CCDC85C: variants seen among roughly 807,000 people sequenced by gnomAD.
The protein encoded by CCDC85C is coiled-coil domain containing 85C.
CCDC85C carries 18 observed loss-of-function variants against 38.3 expected under a neutral mutation model. The observed-to-expected ratio is 0.47, with a 90% CI of 0.33 to 0.70. CCDC85C has a LOEUF of 0.70. Ranked by LOEUF, CCDC85C falls within the 30% of genes least tolerant of loss-of-function variation. CCDC85C has a pLI of 0.03. For synonymous variants in CCDC85C, 264 were observed against 293.8 expected (o/e 0.90, Z 1.04); for missense variants, 566 against 621.2 (o/e 0.91, Z 0.94).
At chr14:99,527,352 G>A (rs994889145) in intron 2 of CCDC85C, among the ~76,000 whole-genome samples, 1 of 152,190 alleles carries the variant, frequency 6.6e-6, no homozygotes, top group African/African-American at 2.4e-5. Context: ...AACTCGCAGT[G>A]TCTACAGACA....
intron 2 of CCDC85C, among the ~76,000 whole-genome samples, chr14:99,529,809 C>T (rs961520779): frequency 6.6e-6 from 1 of 152,222 alleles, no homozygotes; most frequent in Non-Finnish European, 1.5e-5. Context: ...TGGCATCAGG[C>T]GGAGGCTGGC....
At chr14:99,556,993 C>A (rs1216732591) in intron 1 of CCDC85C, among the ~76,000 whole-genome samples, 2 of 151,952 alleles carry the variant, frequency 1.3e-5, no homozygotes, top group Non-Finnish European at 2.9e-5. Context: ...ATATCAGCAC[C>A]TTTTGTACAT....
intron 1 of CCDC85C, among the ~76,000 whole-genome samples, chr14:99,579,037 G>T (rs1036650341): frequency 2.0e-5 from 3 of 152,206 alleles, no homozygotes; most frequent in Non-Finnish European, 4.4e-5. Context: ...TGCTCATGAA[G>T]CCCCTACTGC....
rs1370625652 is a variant in CCDC85C, at chr14:99,510,839, A to G, written c.*4407T>C. 6.0e-6 allele frequency: 8 copies of G among 1,341,932 alleles called. No individual in the cohort carries two copies. The highest frequency in any genetic ancestry group is 1.5e-5 in the African/African-American group (1 of 66,422). The allele number at this position is 1,341,932 out of a possible 1,614,324, so 83.1% of individuals were successfully genotyped here. On this transcript the variant is annotated 3_prime_UTR_variant, in exon 6 of 6. Coordinates refer to ENST00000380243, the MANE Select transcript of CCDC85C (RefSeq NM_001144995.2). ...ACAAGATTTTCTAATCGACTTGCAGAGTAGTTGAAGTGGGTAAGCAGCAGG... is the reference window on the plus strand; with the variant it reads ...ACAAGATTTTCTAATCGACTTGCAGGGTAGTTGAAGTGGGTAAGCAGCAGG...
chr14:99,593,510 G>A (rs959166603), intron 1 of CCDC85C, among the ~76,000 whole-genome samples: 1 of 152,258 alleles, frequency 6.6e-6, no homozygotes, highest in Non-Finnish European at 1.5e-5. Flanking sequence ...CTGGGGCAGG[G>A]AGGTAGGGGT....
chr14:99,586,004 G>A (rs2055021782), intron 1 of CCDC85C, among the ~76,000 whole-genome samples: 1 of 152,244 alleles, frequency 6.6e-6, no homozygotes, highest in Non-Finnish European at 1.5e-5. Context: ...CCCAGACCAA[G>A]CAGTAACAAT....
Position 99,502,865 on chromosome 14 carries a change from G to A in CCDC85C, c.*12381C>T, listed in dbSNP as rs1380915763. On this transcript the variant is annotated 3_prime_UTR_variant, in exon 6 of 6. Coordinates refer to ENST00000380243, the MANE Select transcript of CCDC85C (RefSeq NM_001144995.2). ...GCAGTCACAGCCGTCTCAAAGCTCC[G>A]AACCATCCCAGCCCCAGCAGAAGGA... 7 of 1,612,720 alleles carry A rather than the reference G, an allele frequency of 4.3e-6. No homozygotes were observed. The highest frequency in any genetic ancestry group is 1.1e-5 in the South Asian group (1 of 90,956).
chr14:99,545,496 C>A lies in CCDC85C; in HGVS notation c.794-9408G>T, dbSNP rs561266669. ...TGTGTAATTGCTTCAAATATGGGGA[C>A]AAGGGGAAAAGAATTCCTTCCCTGT... On this transcript the variant is annotated intron_variant, in intron 1 of 5. Coordinates refer to ENST00000380243, the MANE Select transcript of CCDC85C (RefSeq NM_001144995.2). This position sits in a 1 kb window ranked among gnomAD's most constrained non-coding sequence, Gnocchi z 4.7. Among the ~76,000 whole-genome samples, 1 of 152,228 alleles carries A rather than the reference C, an allele frequency of 6.6e-6. No individual in the cohort carries two copies. The highest frequency in any genetic ancestry group is 2.1e-4 in the South Asian group (1 of 4,826).
chr14:99,519,017 A>G (rs1458118876), intron 3 of CCDC85C, among the ~76,000 whole-genome samples: 1 of 147,380 alleles, frequency 6.8e-6, no homozygotes, highest in Non-Finnish European at 1.5e-5. Context: ...CTGACTAGGT[A>G]CCCACTTAGG....
chr14:99,519,306 G>A (rs1268407849), intron 3 of CCDC85C, among the ~76,000 whole-genome samples: 1 of 141,102 alleles, frequency 7.1e-6, no homozygotes, highest in African/African-American at 2.7e-5. Flanking sequence ...TGGTAGAGAT[G>A]GGGTTTCATC....
In CCDC85C at chr14:99,572,437, A is replaced by G. The variant is rs1370806535; in HGVS notation, c.793+30730T>C. Reference sequence around the variant, plus strand: ...CACCCCCACCCCAAGGCCCTGCTCCACAGGGAAGCCAGAGGGCCTCACAAG... The same window carrying G: ...CACCCCCACCCCAAGGCCCTGCTCCGCAGGGAAGCCAGAGGGCCTCACAAG... On this transcript the variant is annotated intron_variant, in intron 1 of 5. Coordinates refer to ENST00000380243, the MANE Select transcript of CCDC85C (RefSeq NM_001144995.2). This position sits in a 1 kb window ranked among gnomAD's most constrained non-coding sequence, Gnocchi z 4.4. Among the ~76,000 whole-genome samples the G allele has an allele frequency of 7.9e-6, 1 of 125,962 alleles. No individual in the cohort carries two copies. Among genetic ancestry groups the G allele is most frequent in the Non-Finnish European group, 1.6e-5 (1 of 61,850 alleles). The allele number at this position is 125,962 out of a possible 152,430, so 82.6% of individuals were successfully genotyped here.
intron 1 of CCDC85C, among the ~76,000 whole-genome samples, chr14:99,568,822 C>T (rs1249792356): frequency 1.3e-5 from 2 of 152,266 alleles, no homozygotes; most frequent in African/African-American, 2.4e-5. Context: ...TTCAGTCAGC[C>T]TCTCCACCAG....
At chr14:99,528,283 C>T (rs79790940) in intron 2 of CCDC85C, among the ~76,000 whole-genome samples, 113 of 152,328 alleles carry the variant, frequency 7.4e-4, no homozygotes, top group African/African-American at 2.6e-3. Flanking sequence ...CAGTGTCACC[C>T]AGTAAATGCC....
Position 99,512,457 on chromosome 14 carries a change from T to G in CCDC85C, c.*2789A>C, listed in dbSNP as rs1228061098. 1 of 152,126 alleles carries G rather than the reference T, an allele frequency of 6.6e-6. No individual in the cohort carries two copies. The highest frequency in any genetic ancestry group is 2.4e-5 in the African/African-American group (1 of 41,424). 9.4% of individuals were successfully genotyped at this position (152,126 alleles called of 1,614,324 possible). On this transcript the variant is annotated 3_prime_UTR_variant, in exon 6 of 6. Coordinates refer to ENST00000380243, the MANE Select transcript of CCDC85C (RefSeq NM_001144995.2). Reference sequence around the variant, plus strand: ...AAAAAAAAATCAGTAGTATGTATCTTGTTTCCTCAAGTTTCAAGAAAAAAA... The same window carrying G: ...AAAAAAAAATCAGTAGTATGTATCTGGTTTCCTCAAGTTTCAAGAAAAAAA...
chr14:99,502,637 TA>T lies in CCDC85C; in HGVS notation c.*12608del. On this transcript the variant is annotated 3_prime_UTR_variant, in exon 6 of 6. Transcript: ENST00000380243. ...ATTCATGCTTAGGTCCTCGTAGGGG[TA>T]TCATAACTGATTCTTTATCCAGGTA... 7.4e-7 allele frequency: 1 copy of T among 1,346,536 alleles called. No individual in the cohort carries two copies. 83.4% of individuals were successfully genotyped at this position (1,346,536 alleles called of 1,614,324 possible). A position where few individuals can be genotyped will look rare whatever the true frequency, so the allele number is the denominator to read the frequency against.
chr14:99,579,915 C>T, intron 1 of CCDC85C: 1 of 344,170 alleles, frequency 2.9e-6, no homozygotes. Context: ...GCCACCCTGC[C>T]CACCCCCGTC....
chr14:99,572,206 C>A lies in CCDC85C; in HGVS notation c.793+30961G>T, dbSNP rs1285377884. On this transcript the variant is annotated intron_variant, in intron 1 of 5. Transcript: ENST00000380243. The surrounding 1 kb of genome is among the most constrained non-coding windows in gnomAD (Gnocchi z 4.4). ...AGACCTCCAGGGTGGGCTTCAGTGG[C>A]CCTGGCCCCAGCAGCGTTAGTGAAT... is the stretch of plus-strand genomic sequence containing the variant. 6.6e-6 allele frequency among the ~76,000 whole-genome samples: 1 copy of A among 152,216 alleles called. No homozygotes were observed. Among genetic ancestry groups the A allele is most frequent in the Non-Finnish European group, 1.5e-5 (1 of 68,030 alleles).
chr14:99,542,149 A>G (rs912613213), intron 1 of CCDC85C, among the ~76,000 whole-genome samples: 3 of 152,220 alleles, frequency 2.0e-5, no homozygotes, highest in African/African-American at 4.8e-5. Context: ...AGCTTGGCTG[A>G]TTAAATCCCC....
In CCDC85C at chr14:99,533,848, G is replaced by A. The variant is rs1305992295; in HGVS notation, c.867+2167C>T. Among the ~76,000 whole-genome samples the A allele has an allele frequency of 6.6e-6, 1 of 152,232 alleles. No individual in the cohort carries two copies. The highest frequency in any genetic ancestry group is 1.5e-5 in the Non-Finnish European group (1 of 68,030). ...GGAGGGCCCCCTGTGAGACCGGGGG[G>A]CACCCCAGGAAGGAAGGCAGGAAGA... On this transcript the variant is annotated intron_variant, in intron 2 of 5. Transcript: ENST00000380243. This position sits in a 1 kb window ranked among gnomAD's most constrained non-coding sequence, Gnocchi z 4.2.
Sources: gnomAD v4.1 joint callset for allele counts (sites outside exome capture counted in the v4.1 genomes callset) on GRCh38, gnomAD v4.1.1 for gene constraint, Gnocchi (gnomAD v3.1) non-coding constraint, MANE v1.5 for transcripts, NCBI Gene and HGNC (gene_info 2026-07-23, HGNC 2026-07-21) for gene names.